Variants in AHRR observed in about 807,000 individuals in gnomAD.
The protein encoded by AHRR is aryl hydrocarbon receptor repressor.
In AHRR, 28 loss-of-function variants were observed where a neutral mutation model predicts 44.0. The observed-to-expected ratio is 0.64, with a 90% CI of 0.47 to 0.87. The LOEUF is 0.87. Ranked by LOEUF, AHRR falls within the 40% of genes least tolerant of loss-of-function variation. AHRR has a pLI of 0.00. For synonymous variants in AHRR, 434 were observed against 407.0 expected (o/e 1.07, Z -0.80); for missense variants, 990 against 953.9 (o/e 1.04, Z -0.50).
At position 406,128 on chromosome 5, in the gene AHRR, TG is replaced by T. The variant is rs1735246172; in HGVS notation, c.352-7215del. Among the ~76,000 whole-genome samples, 1 of 152,158 alleles carries T rather than the reference TG, an allele frequency of 6.6e-6. No individual in the cohort carries two copies. Among genetic ancestry groups the T allele is most frequent in the African/African-American group, 2.4e-5 (1 of 41,444 alleles). ...GGAGAAAACGGGAAAGGAAAGGCAT[TG>T]TCCGGAAGAAGCCTCTTGCAGTGTG... On this transcript the variant is annotated intron_variant, in intron 4 of 10. Coordinates refer to ENST00000684583, the MANE Select transcript of AHRR (RefSeq NM_001377236.1). The surrounding 1 kb of genome is among the most constrained non-coding windows in gnomAD (Gnocchi z 4.7).
At chr5:420,812 C>T in intron 5 of AHRR, 1 of 85,504 alleles carries the variant, frequency 1.2e-5, no homozygotes, top group Non-Finnish European at 2.0e-5. Flanking sequence ...CACGCAGCCA[C>T]CCACCCACGC....
At chr5:335,100 G>A (rs765011698) in intron 1 of AHRR, among the ~76,000 whole-genome samples, 1 of 152,112 alleles carries the variant, frequency 6.6e-6, no homozygotes, top group Non-Finnish European at 1.5e-5. Flanking sequence ...GGTTAACCAT[G>A]TCTATCCTTG....
Position 376,675 on chromosome 5 carries a change from C to T in AHRR, c.310C>T (p.Leu104Phe), listed in dbSNP as rs201010505. ...GAPSPGDSCPLAGSAVLEGRL... is the reference protein window; with the variant it reads ...GAPSPGDSCPFAGSAVLEGRL... ...CCCCTCGCCCGGAGACAGCTGTCCTCTTGCAGGGTCTGCCGTGCTGGAGGG... is the reference window on the plus strand; with the variant it reads ...CCCCTCGCCCGGAGACAGCTGTCCTTTTGCAGGGTCTGCCGTGCTGGAGGG... The change falls in exon 4 of 11, where the codon CTT becomes TTT. Residue 104 changes from leucine to phenylalanine, a missense_variant. Coordinates refer to ENST00000684583, the MANE Select transcript of AHRR (RefSeq NM_001377236.1). 3 of 1,610,828 alleles carry T rather than the reference C, an allele frequency of 1.9e-6. No homozygotes were observed. Among genetic ancestry groups the T allele is most frequent in the Non-Finnish European group, 2.5e-6 (3 of 1,179,032 alleles).
Position 437,941 on chromosome 5 carries a change from C to A in AHRR, c.*3107C>A, listed in dbSNP as rs764228721. The A allele has an allele frequency of 2.6e-5, 4 of 152,344 alleles. No homozygotes were observed. Among genetic ancestry groups the A allele is most frequent in the African/African-American group, 4.8e-5 (2 of 41,448 alleles). 9.4% of individuals were successfully genotyped at this position (152,344 alleles called of 1,614,324 possible). ...GAAAGTGTGGATGTATCACTTCTCT[C>A]TAAAATGTCATTGTTAGCACTAATT... is the stretch of plus-strand genomic sequence containing the variant. On this transcript the variant is annotated 3_prime_UTR_variant, in exon 11 of 11. Coordinates refer to ENST00000684583, the MANE Select transcript of AHRR (RefSeq NM_001377236.1).
At position 406,246 on chromosome 5, in the gene AHRR, T is replaced by A. The variant is rs1237025444; in HGVS notation, c.352-7098T>A. 6.6e-6 allele frequency among the ~76,000 whole-genome samples: 1 copy of A among 152,232 alleles called. No homozygotes were observed. Among genetic ancestry groups the A allele is most frequent in the East Asian group, 1.9e-4 (1 of 5,200 alleles). On this transcript the variant is annotated intron_variant, in intron 4 of 10. Transcript: ENST00000684583. This position sits in a 1 kb window ranked among gnomAD's most constrained non-coding sequence, Gnocchi z 4.7. Reference sequence around the variant, plus strand: ...CCCAGCCCCCCTTCCTTCCAGCCAGTGGCTCTGTGAGCCGCCTCTTGTCTG... The same window carrying A: ...CCCAGCCCCCCTTCCTTCCAGCCAGAGGCTCTGTGAGCCGCCTCTTGTCTG...
At position 383,795 on chromosome 5, in the gene AHRR, C is replaced by T. The variant is rs774958246; in HGVS notation, c.351+7079C>T. ...CTCAGGATAGTCTAGAACTCTTGGC[C>T]TCAAGCTGTCCTCCCACCCCCGGCC... On this transcript the variant is annotated intron_variant, in intron 4 of 10. Coordinates refer to ENST00000684583, the MANE Select transcript of AHRR (RefSeq NM_001377236.1). The surrounding 1 kb of genome is among the most constrained non-coding windows in gnomAD (Gnocchi z 4.0). Among the ~76,000 whole-genome samples the T allele has an allele frequency of 6.6e-6, 1 of 152,128 alleles. No individual in the cohort carries two copies. Among genetic ancestry groups the T allele is most frequent in the Non-Finnish European group, 1.5e-5 (1 of 68,024 alleles).
chr5:423,793 GT>G, intron 6 of AHRR, 47 bp from the exon 7 acceptor site: 1 of 1,555,180 alleles, frequency 6.4e-7, no homozygotes, highest in Non-Finnish European at 8.7e-7. Context: ...TGACACGTGT[GT>G]TTTGGCTTCT....
At chr5:376,749 A>G in intron 4 of AHRR, 33 bp downstream of exon 4, 1 of 1,553,472 alleles carries the variant, frequency 6.4e-7, no homozygotes, top group Non-Finnish European at 8.8e-7. Flanking sequence ...CGAACACTTG[A>G]CACTTGGTTC....
chr5:383,630 A>G lies in AHRR; in HGVS notation c.351+6914A>G, dbSNP rs1167886607. ...CAGGCTGAAGTGCAGCAATGTGATC[A>G]TAGCTCACTGTAACCTTGAACTCCT... On this transcript the variant is annotated intron_variant, in intron 4 of 10. Transcript: ENST00000684583. This position sits in a 1 kb window ranked among gnomAD's most constrained non-coding sequence, Gnocchi z 4.0. Among the ~76,000 whole-genome samples, 1 of 151,580 alleles carries G rather than the reference A, an allele frequency of 6.6e-6. No individual in the cohort carries two copies. Among genetic ancestry groups the G allele is most frequent in the Admixed American group, 6.6e-5 (1 of 15,210 alleles).
intron 5 of AHRR, among the ~76,000 whole-genome samples, chr5:413,690 G>C (rs577628771): frequency 6.6e-6 from 1 of 152,190 alleles, no homozygotes; most frequent in African/African-American, 2.4e-5. Context: ...GCGGACGGCA[G>C]CATGGTCTCC....
intron 1 of AHRR, among the ~76,000 whole-genome samples, chr5:323,080 C>T (rs1579575743): frequency 6.6e-6 from 1 of 152,346 alleles, no homozygotes; most frequent in East Asian, 1.9e-4. Flanking sequence ...TGAGCAGCAC[C>T]CAGGAGTCTG....
intron 3 of AHRR, among the ~76,000 whole-genome samples, chr5:374,561 G>A (rs1743710185): frequency 6.6e-6 from 1 of 152,178 alleles, no homozygotes; most frequent in African/African-American, 2.4e-5. Flanking sequence ...AGAAGAAATG[G>A]GGCAGTTTTT....
intron 3 of AHRR, among the ~76,000 whole-genome samples, chr5:367,139 A>C (rs1277953297): frequency 6.6e-6 from 1 of 152,244 alleles, no homozygotes; most frequent in African/African-American, 2.4e-5. Context: ...GAGAAGTTGC[A>C]GGGTGTTTAT....
chr5:420,903 C>T, intron 5 of AHRR: 1 of 328,874 alleles, frequency 3.0e-6, no homozygotes, highest in South Asian at 2.5e-5. Flanking sequence ...ACGCACGCAG[C>T]ACGCACGCAT....
At chr5:331,185 T>C (rs1325595137) in intron 1 of AHRR, among the ~76,000 whole-genome samples, 1 of 152,252 alleles carries the variant, frequency 6.6e-6, no homozygotes, top group East Asian at 1.9e-4. Flanking sequence ...AGTTGTGAGC[T>C]TTTCTTTTGG....
intron 1 of AHRR, among the ~76,000 whole-genome samples, chr5:325,434 G>A (rs576848877): frequency 2.0e-5 from 3 of 152,202 alleles, no homozygotes; most frequent in Admixed American, 6.5e-5. Flanking sequence ...GTGCGGCTTG[G>A]GAGTTTCCTG....
At position 344,050 on chromosome 5, in the gene AHRR, G is replaced by A; in HGVS notation, c.62+86G>A. 5 of 1,415,604 alleles carry A rather than the reference G, an allele frequency of 3.5e-6. No homozygotes were observed. The South Asian group carries it at 5.0e-5, about 14-fold the overall frequency. 87.7% of individuals were successfully genotyped at this position (1,415,604 alleles called of 1,614,324 possible). ...GTTTGCCTTGAAAACGGAGTTTTAGGAACAGGGCGAGCGAGGAAGGCTTCG... is the reference window on the plus strand; with the variant it reads ...GTTTGCCTTGAAAACGGAGTTTTAGAAACAGGGCGAGCGAGGAAGGCTTCG... On this transcript the variant is annotated intron_variant, in intron 2 of 10. Coordinates refer to ENST00000684583, the MANE Select transcript of AHRR (RefSeq NM_001377236.1).
At chr5:343,194 G>C (rs1742403989) in intron 1 of AHRR, among the ~76,000 whole-genome samples, 1 of 152,046 alleles carries the variant, frequency 6.6e-6, no homozygotes, top group African/African-American at 2.4e-5. Flanking sequence ...CAGGAACATG[G>C]GACCTGAGTA....
At chr5:380,752 A>G (rs1391623437) in intron 4 of AHRR, among the ~76,000 whole-genome samples, 1 of 152,192 alleles carries the variant, frequency 6.6e-6, no homozygotes, top group Non-Finnish European at 1.5e-5. Flanking sequence ...CATAGATTTT[A>G]TTAGTCAGGA....
Sources: allele counts gnomAD v4.1 joint callset (sites outside exome capture counted in the v4.1 genomes callset), GRCh38; gene constraint gnomAD v4.1.1; non-coding constraint Gnocchi (gnomAD v3.1); transcripts MANE v1.5; gene names NCBI Gene and HGNC (gene_info 2026-07-23, HGNC 2026-07-21).